Variants in RARS2 observed in about 807,000 individuals in gnomAD.
RARS2 encodes probable arginine--tRNA ligase, mitochondrial.
Under a neutral mutation model 88.5 loss-of-function variants are expected in RARS2, and 67 were observed. The observed-to-expected ratio is 0.76, with a 90% confidence interval of 0.62 to 0.93. The LOEUF is 0.93. RARS2 is among the 40% of genes least tolerant of loss of function. The probability of loss-of-function intolerance (pLI) is 0.00; values close to 1 mark genes in which losing one functional copy is unlikely to be tolerated. For missense variants in RARS2, 664 were observed against 684.2 expected (o/e 0.97, Z 0.33); for synonymous variants, 239 against 230.3 (o/e 1.04, Z -0.34).
chr6:87,565,796 T>C (rs1301303315), intron 2 of RARS2, among the ~76,000 whole-genome samples: 1 of 152,152 alleles, frequency 6.6e-6, no homozygotes, highest in Non-Finnish European at 1.5e-5. Context: ...ATGGGCAGAG[T>C]AAGAGGGTTG....
At chr6:87,570,584 A>G (rs569501306) in intron 1 of RARS2, among the ~76,000 whole-genome samples, 4 of 151,948 alleles carry the variant, frequency 2.6e-5, no homozygotes, top group African/African-American at 7.2e-5. Context: ...AAGCGCAGCT[A>G]ATTTTTTCTA....
intron 10 of RARS2, 106 bp downstream of exon 10, chr6:87,529,436 C>T: frequency 1.3e-6 from 1 of 794,804 alleles, no homozygotes; most frequent in Non-Finnish European, 2.2e-6. Context: ...TATAAAAAAT[C>T]CCAAGAAAGC....
At chr6:87,555,262 C>A in intron 5 of RARS2, 146 bp downstream of exon 5, 1 of 611,518 alleles carries the variant, frequency 1.6e-6, no homozygotes, top group East Asian at 2.8e-5. Context: ...ATGATTGATT[C>A]ACTGTGATTT....
chr6:87,524,251 A>G (rs1289367678), intron 11 of RARS2, among the ~76,000 whole-genome samples: 1 of 152,192 alleles, frequency 6.6e-6, no homozygotes, highest in East Asian at 1.9e-4. Context: ...AAAATGTGAC[A>G]TGGCTGCTTT....
Position 87,519,589 on chromosome 6 carries a change from T to G in RARS2, c.1231A>C (p.Ile411Leu). ...QLRMLQNMAS[I>L]KTTKELKNPQ... ...AAGAAAAAACTGAATTCACTCTTAA[T>G]TGAAGCCATGTTCTGTAGCATCCTT... The change falls in exon 14 of 20, where the codon ATT (isoleucine) becomes CTT (leucine). Residue 411 changes from isoleucine to leucine, a missense_variant. By Grantham distance (5) the Ile-to-Leu change is conservative. Transcript: ENST00000369536. 1.2e-6 allele frequency: 2 copies of G among 1,612,238 alleles called. No homozygotes were observed. Among genetic ancestry groups the G allele is most frequent in the Non-Finnish European group, 1.7e-6 (2 of 1,178,274 alleles).
intron 5 of RARS2, among the ~76,000 whole-genome samples, chr6:87,553,088 C>A (rs2128138193): frequency 6.6e-6 from 1 of 152,250 alleles, no homozygotes; most frequent in African/African-American, 2.4e-5. Context: ...TTGTGACTTG[C>A]TTTCATCAGC....
chr6:87,555,961 A>AT (rs1386340109), intron 4 of RARS2, among the ~76,000 whole-genome samples: 2 of 152,234 alleles, frequency 1.3e-5, no homozygotes, highest in African/African-American at 4.8e-5. Context: ...GGTAAGAACT[A>AT]TTTTAACAAA....
chr6:87,555,286 A>G (rs1201851640), intron 5 of RARS2, 122 bp downstream of exon 5: 1 of 717,506 alleles, frequency 1.4e-6, no homozygotes, highest in African/African-American at 1.8e-5. Context: ...GAAATAACAT[A>G]ATTGCACTGG....
At chr6:87,529,282 C>A (rs1278447030) in intron 10 of RARS2, among the ~76,000 whole-genome samples, 1 of 152,054 alleles carries the variant, frequency 6.6e-6, no homozygotes, top group Non-Finnish European at 1.5e-5. Context: ...GGTTATATGA[C>A]CTTAAGTAGG....
rs1273146842 is a variant in RARS2 at position 87,530,840 on chromosome 6, A to C, written c.715T>G (p.Ser239Ala). Residue 239 changes from serine to alanine, a missense_variant, in exon 9 of 20, where the codon TCA becomes GCA. By Grantham distance (99) the Ser-to-Ala change is moderately conservative (BLOSUM62 1). Transcript: ENST00000369536. ...AAGTCCCGAAATTTTTGCCACAGTG[A>C]AAGTGCTTGCACATCGCCCAGTTCC... ...RLELGDVQAL[S>A]LWQKFRDLSI... 3 of 1,614,060 alleles carry C rather than the reference A, an allele frequency of 1.9e-6. No homozygotes were observed. The highest frequency in any genetic ancestry group is 1.7e-6 in the Non-Finnish European group (2 of 1,180,026).
At chr6:87,545,212 T>C (rs1276452901) in intron 7 of RARS2, among the ~76,000 whole-genome samples, 1 of 152,138 alleles carries the variant, frequency 6.6e-6, no homozygotes, top group Non-Finnish European at 1.5e-5. Flanking sequence ...GGCTTCCGAG[T>C]AGCTAGGACT....
chr6:87,537,673 T>C (rs1277521043), intron 8 of RARS2, among the ~76,000 whole-genome samples: 1 of 152,174 alleles, frequency 6.6e-6, no homozygotes, highest in Non-Finnish European at 1.5e-5. Context: ...AGCTCACTAC[T>C]AACTACAACT....
intron 3 of RARS2, among the ~76,000 whole-genome samples, chr6:87,563,055 G>C (rs1474812601): frequency 6.6e-6 from 1 of 151,946 alleles, no homozygotes; most frequent in Non-Finnish European, 1.5e-5. Context: ...CTTGTAACAA[G>C]TAAGAAAAAT....
chr6:87,564,219 A>T lies in RARS2; in HGVS notation c.124T>A (p.Phe42Ile), dbSNP rs765275548. 5 of 1,610,654 alleles carry T rather than the reference A, an allele frequency of 3.1e-6. No homozygotes were observed. The Admixed American group carries it at 8.3e-5, about 27-fold the overall frequency. The change falls in exon 3 of 20, where the codon TTT becomes ATT. Residue 42 changes from phenylalanine to isoleucine, a missense_variant. Phe to Ile is a conservative substitution (Grantham distance 21). Coordinates refer to ENST00000369536, the MANE Select transcript of RARS2 (RefSeq NM_020320.5). ...AATAAAGAATCCACAGAAAGCTGAA[A>T]ATCAGCTACTTCTCTAAAGACAGAC... ...PISQKEEVAD[F>I]QLSVDSLLEK...
intron 9 of RARS2, 89 bp from the exon 10 acceptor site, chr6:87,529,737 C>G (rs548127468): frequency 4.8e-6 from 4 of 831,768 alleles, no homozygotes; most frequent in Admixed American, 1.9e-5. Flanking sequence ...GCTCTACCAC[C>G]TGTCACACAC....
At chr6:87,578,116 C>CCG (rs1554220524) in intron 1 of RARS2, among the ~76,000 whole-genome samples, 59 of 149,758 alleles carry the variant, frequency 3.9e-4, no homozygotes, top group South Asian at 8.4e-4. Flanking sequence ...GACCCCCCCC[C>CCG]CCGCCATCTC....
chr6:87,533,334 C>T lies in RARS2; in HGVS notation c.613-2392G>A, dbSNP rs1373795392. On this transcript the variant is annotated intron_variant, in intron 8 of 19. Coordinates refer to ENST00000369536, the MANE Select transcript of RARS2 (RefSeq NM_020320.5). ...CCGCAATATGTACTTATAAAACAAA[C>T]ATTAGTGAAAATCAACTGACACTAT... Among the ~76,000 whole-genome samples, 7 of 152,076 alleles carry T rather than the reference C, an allele frequency of 4.6e-5. No individual in the cohort carries two copies. The East Asian group carries it at 1.3e-3, about 29-fold the overall frequency.
intron 17 of RARS2, among the ~76,000 whole-genome samples, chr6:87,517,640 T>C (rs1772244316): frequency 6.6e-6 from 1 of 152,168 alleles, no homozygotes; most frequent in South Asian, 2.1e-4. Context: ...ACCATCCACA[T>C]CCCTTCTAGA....
chr6:87,514,546 T>C (rs1253168587), intron 19 of RARS2, 47 bp from the exon 20 acceptor site: 1 of 1,438,274 alleles, frequency 7.0e-7, no homozygotes. Flanking sequence ...GTAACAGGAA[T>C]GTATTCAATA....
Sources: gnomAD v4.1 joint callset for allele counts (sites outside exome capture counted in the v4.1 genomes callset) on GRCh38, gnomAD v4.1.1 for gene constraint, MANE v1.5 for transcripts, NCBI Gene and HGNC (gene_info 2026-07-23, HGNC 2026-07-21) for gene names.